Variants in ARL15 observed in about 807,000 individuals in gnomAD.
ARL15 encodes ARF like GTPase 15, also known as ADP-ribosylation factor-like protein 15.
In ARL15, 19 loss-of-function variants were observed where a neutral mutation model predicts 25.2. That is an observed-to-expected ratio of 0.75 (90% confidence interval 0.53 to 1.10). The LOEUF is 1.10. Among genes scored for constraint, ARL15 ranks in the 50% least tolerant of loss-of-function variants. The probability of loss-of-function intolerance (pLI) is 0.00; values close to 1 mark genes in which losing one functional copy is unlikely to be tolerated. For missense variants in ARL15, 220 were observed against 246.0 expected, an observed-to-expected ratio of 0.89 and a Z score of 0.71; for synonymous variants, 94 against 86.8, an observed-to-expected ratio of 1.08 and a Z score of -0.46.
chr5:54,241,938 G>C (rs1374111373), intron 1 of ARL15, among the ~76,000 whole-genome samples: 3 of 152,150 alleles, frequency 2.0e-5, no homozygotes, highest in Non-Finnish European at 4.4e-5. Context: ...AAGTCATAAA[G>C]GACTTGACAG....
chr5:54,180,966 T>C (rs927603301), intron 1 of ARL15, among the ~76,000 whole-genome samples: 1 of 152,140 alleles, frequency 6.6e-6, no homozygotes, highest in African/African-American at 2.4e-5. Context: ...GGGGCCCACG[T>C]GGCTCCCAGT....
At chr5:54,117,364 G>A (rs1752932336) in intron 3 of ARL15, among the ~76,000 whole-genome samples, 1 of 90,982 alleles carries the variant, frequency 1.1e-5, no homozygotes, top group African/African-American at 6.4e-5. Flanking sequence ...CAAATAGTGA[G>A]ACACATACAC....
At chr5:53,920,407 G>A (rs901590948) in intron 4 of ARL15, among the ~76,000 whole-genome samples, 5 of 152,156 alleles carry the variant, frequency 3.3e-5, no homozygotes, top group African/African-American at 1.2e-4. Context: ...TCAACACAAA[G>A]TGAGTGCTTT....
In ARL15 at chr5:53,884,143, T is replaced by G. The variant is rs1744438128; in HGVS notation, c.*2418A>C. The G allele has an allele frequency of 6.6e-6, 1 of 152,184 alleles. No individual in the cohort carries two copies. Among genetic ancestry groups the G allele is most frequent in the South Asian group, 2.1e-4 (1 of 4,834 alleles). The allele number at this position is 152,184 out of a possible 1,614,324, so 9.4% of individuals were successfully genotyped here. On this transcript the variant is annotated 3_prime_UTR_variant, in exon 5 of 5. Transcript: ENST00000504924. Reference sequence around the variant, plus strand: ...ACTGTCAACTACAGTGGATACAAAGTTTTATCATATAAATTAATTGCCATT... The same window carrying G: ...ACTGTCAACTACAGTGGATACAAAGGTTTATCATATAAATTAATTGCCATT...
intron 3 of ARL15, among the ~76,000 whole-genome samples, chr5:54,149,143 G>C (rs894601498): frequency 6.6e-6 from 1 of 152,164 alleles, no homozygotes; most frequent in Non-Finnish European, 1.5e-5. Context: ...TGCGGTTAAA[G>C]TACATAAGGC....
Position 54,298,729 on chromosome 5 carries a change from G to A in ARL15, c.48+11703C>T, listed in dbSNP as rs10471892. 2.4e-3 allele frequency among the ~76,000 whole-genome samples: 372 copies of A among 152,094 alleles called. 1 individual carries two copies. The highest frequency in any genetic ancestry group is 8.6e-3 in the African/African-American group (357 of 41,480). ...ACACGAATTCAGTGGTCATTTTCCA[G>A]TCATTATCTTCCATGATCTCTGGTC... On this transcript the variant is annotated intron_variant, in intron 1 of 4. Transcript: ENST00000504924.
At chr5:54,052,158 AT>A (rs558245739) in intron 4 of ARL15, among the ~76,000 whole-genome samples, 1 of 151,924 alleles carries the variant, frequency 6.6e-6, no homozygotes, top group African/African-American at 2.4e-5. Context: ...AACATAGGGG[AT>A]TTTTTTTATG....
chr5:54,048,329 C>T lies in ARL15; in HGVS notation c.462+64873G>A, dbSNP rs930349178. 9 of 149,902 alleles carry T rather than the reference C, an allele frequency of 6.0e-5. No homozygotes were observed. The South Asian group carries it at 1.9e-3, about 32-fold the overall frequency. The allele number at this position is 149,902 out of a possible 1,614,324, so 9.3% of individuals were successfully genotyped here. ...TTGGCTTATTTGTTTTTAAAATATG[C>T]TACTTTCATACTCAATTACCTTTCA... On this transcript the variant is annotated intron_variant, in intron 4 of 4. Coordinates refer to ENST00000504924, the MANE Select transcript of ARL15 (RefSeq NM_019087.3).
At chr5:54,280,346 T>A (rs952311206) in intron 1 of ARL15, among the ~76,000 whole-genome samples, 1 of 152,214 alleles carries the variant, frequency 6.6e-6, no homozygotes, top group Non-Finnish European at 1.5e-5. Context: ...AAAAAACATG[T>A]TTAGCTTTCA....
At chr5:54,021,204 A>G (rs150942036) in intron 4 of ARL15, among the ~76,000 whole-genome samples, 1,533 of 151,334 alleles carry the variant, frequency 0.01, 24 homozygotes, top group African/African-American at 0.029. Flanking sequence ...GTGTGGTGGC[A>G]CATGCCTGTA....
At chr5:54,267,310 C>G (rs937599424) in intron 1 of ARL15, among the ~76,000 whole-genome samples, 2 of 152,178 alleles carry the variant, frequency 1.3e-5, no homozygotes, top group Non-Finnish European at 2.9e-5. Context: ...CCAGGACGGT[C>G]TCGATCTCCC....
chr5:54,126,346 T>C (rs1753251441), intron 3 of ARL15, among the ~76,000 whole-genome samples: 1 of 152,230 alleles, frequency 6.6e-6, no homozygotes, highest in South Asian at 2.1e-4. Flanking sequence ...ATTCTTGCTA[T>C]GCACTCTTTT....
chr5:53,995,562 A>C (rs1258532528), intron 4 of ARL15, among the ~76,000 whole-genome samples: 1 of 152,178 alleles, frequency 6.6e-6, no homozygotes, highest in Non-Finnish European at 1.5e-5. Context: ...TTACACTACT[A>C]AGGTCCAAAT....
chr5:54,002,718 A>C (rs1261237925), intron 4 of ARL15, among the ~76,000 whole-genome samples: 1 of 152,248 alleles, frequency 6.6e-6, no homozygotes, highest in Admixed American at 6.5e-5. Context: ...AAGTCAGGAC[A>C]CTGATCGCTA....
At chr5:54,197,732 T>C (rs998106045) in intron 1 of ARL15, among the ~76,000 whole-genome samples, 2 of 152,120 alleles carry the variant, frequency 1.3e-5, no homozygotes, top group Non-Finnish European at 2.9e-5. Context: ...GAGGAGCTGG[T>C]ACCATTCCTT....
chr5:53,968,008 G>C (rs1747619803), intron 4 of ARL15, among the ~76,000 whole-genome samples: 1 of 152,112 alleles, frequency 6.6e-6, no homozygotes. Context: ...GTCTAGAGGA[G>C]TAAGGAAAAA....
intron 1 of ARL15, among the ~76,000 whole-genome samples, chr5:54,253,887 G>T (rs1033563064): frequency 2.6e-5 from 4 of 152,174 alleles, no homozygotes; most frequent in African/African-American, 9.6e-5. Context: ...ACCATGCCCA[G>T]CCCAGATGAT....
intron 4 of ARL15, among the ~76,000 whole-genome samples, chr5:53,893,595 G>C (rs1420917453): frequency 2.0e-5 from 3 of 152,012 alleles, no homozygotes; most frequent in Non-Finnish European, 4.4e-5. Flanking sequence ...GCGACAGAGC[G>C]AGACTCCATC....
chr5:54,298,014 C>T (rs1466191076), intron 1 of ARL15, among the ~76,000 whole-genome samples: 1 of 152,176 alleles, frequency 6.6e-6, no homozygotes, highest in Non-Finnish European at 1.5e-5. Flanking sequence ...ATCTCCTGAC[C>T]TCGTGATCCG....
Sources: allele counts gnomAD v4.1 joint callset (sites outside exome capture counted in the v4.1 genomes callset), GRCh38; gene constraint gnomAD v4.1.1; transcripts MANE v1.5; gene names NCBI Gene and HGNC (gene_info 2026-07-23, HGNC 2026-07-21).